Variants in HDC observed in about 807,000 individuals in gnomAD.
The protein encoded by HDC is histidine decarboxylase.
HDC carries 27 observed loss-of-function variants against 64.4 expected under a neutral mutation model. The observed-to-expected ratio is 0.42, with a 90% CI of 0.31 to 0.58. The LOEUF is 0.58. HDC is among the 20% of genes least tolerant of loss of function. HDC has a pLI of 0.16. For missense variants in HDC, 711 were observed against 833.9 expected (o/e 0.85, Z 1.81); for synonymous variants, 305 against 314.2 (o/e 0.97, Z 0.31).
At chr15:50,254,050 T>C in intron 6 of HDC, 80 bp downstream of exon 6, 1 of 1,465,250 alleles carries the variant, frequency 6.8e-7, no homozygotes, top group Middle Eastern at 1.7e-4. Flanking sequence ...TGCAGCATGT[T>C]ACTTACCTGA....
chr15:50,243,497 C>T (rs182825434), intron 10 of HDC, among the ~76,000 whole-genome samples: 13 of 152,330 alleles, frequency 8.5e-5, no homozygotes, highest in Middle Eastern at 3.4e-3. Context: ...TCAACTCAGC[C>T]CCAGAACCCA....
intron 9 of HDC, among the ~76,000 whole-genome samples, chr15:50,249,315 T>C (rs1426527199): frequency 6.6e-6 from 1 of 152,178 alleles, no homozygotes; most frequent in Non-Finnish European, 1.5e-5. Context: ...AGTCACGTGG[T>C]TTCCTAATGA....
chr15:50,254,738 T>TCTCTCTC lies in HDC; in HGVS notation c.442-75_442-74insGAGAGAG, dbSNP rs1555503912. ...AAATTTCCCCAGGCTTTCTAGTTTT[T>TCTCTCTC]TCTCTCTCTCTCTCTCTCTCTCTCT... On this transcript the variant is annotated intron_variant, in intron 4 of 11. Coordinates refer to ENST00000267845, the MANE Select transcript of HDC (RefSeq NM_002112.4). The TCTCTCTC allele has an allele frequency of 2.4e-3, 2,081 of 865,144 alleles. 54 individuals carry two copies. The African/African-American group carries it at 0.033, about 14-fold the overall frequency. The allele number at this position is 865,144 out of a possible 1,614,324, so 53.6% of individuals were successfully genotyped here.
Position 50,254,736 on chromosome 15 carries a change from TTTTCTCTCTC to T in HDC, c.442-82_442-73del, listed in dbSNP as rs1445396569. The T allele has an allele frequency of 1.5e-3, 1,874 of 1,223,228 alleles. 54 individuals are homozygous for T. Among genetic ancestry groups the T allele is most frequent in the East Asian group, 4.9e-3 (189 of 38,380 alleles). 75.8% of individuals were successfully genotyped at this position (1,223,228 alleles called of 1,614,324 possible). On this transcript the variant is annotated intron_variant, in intron 4 of 11. Transcript: ENST00000267845. ...CCAAATTTCCCCAGGCTTTCTAGTT[TTTTCTCTCTC>T]TCTCTCTCTCTCTCTCTCTCTCTCT...
At chr15:50,252,988 C>T (rs1317032461) in intron 7 of HDC, 1 of 598,180 alleles carries the variant, frequency 1.7e-6, no homozygotes, top group Non-Finnish European at 3.0e-6. Context: ...TACAAAGCCT[C>T]ACCCTTGCCT....
chr15:50,262,747 A>G (rs1256658122), intron 2 of HDC, among the ~76,000 whole-genome samples: 1 of 152,214 alleles, frequency 6.6e-6, no homozygotes, highest in Admixed American at 6.5e-5. Flanking sequence ...CCTGGTCACC[A>G]GCGTGTCCTT....
chr15:50,242,797 G>A lies in HDC; in HGVS notation c.1452C>T (p.Ser484=). The A allele has an allele frequency of 6.2e-7, 1 of 1,613,940 alleles. No homozygotes were observed. Among genetic ancestry groups the A allele is most frequent in the Non-Finnish European group, 8.5e-7 (1 of 1,179,946 alleles). ...GGGAGATGAGGTTCCCAACCCGAGG[G>A]CTGGGTTGGGAAGTACAGTGCTGAC... ...ILSQHCTSQP[S]PRVGNLISQI... Residue 484 remains serine (S), a synonymous_variant, in exon 12 of 12, where the codon AGC becomes AGT. Transcript: ENST00000267845.
chr15:50,249,116 G>A (rs1020572284), intron 9 of HDC, among the ~76,000 whole-genome samples: 3 of 152,172 alleles, frequency 2.0e-5, no homozygotes, highest in Admixed American at 2.0e-4. Context: ...GATTTCAAAT[G>A]AGCACCCAAA....
chr15:50,251,545 G>T (rs1030458791), intron 9 of HDC, among the ~76,000 whole-genome samples: 7 of 152,190 alleles, frequency 4.6e-5, no homozygotes, highest in African/African-American at 1.7e-4. Context: ...CAGGTTATGT[G>T]TAATACATTC....
At chr15:50,260,023 C>CT (rs141659908) in intron 2 of HDC, among the ~76,000 whole-genome samples, 162 of 142,636 alleles carry the variant, frequency 1.1e-3, no homozygotes, top group African/African-American at 2.3e-3. Context: ...GAGATTCATT[C>CT]TTTTTTTTTT....
intron 9 of HDC, among the ~76,000 whole-genome samples, chr15:50,250,041 C>T (rs2045533953): frequency 6.6e-6 from 1 of 152,216 alleles, no homozygotes; most frequent in African/African-American, 2.4e-5. Flanking sequence ...GCTCCCTTGC[C>T]AAGGCTAAGG....
At chr15:50,260,838 G>GCT (rs988531041) in intron 2 of HDC, among the ~76,000 whole-genome samples, 6 of 151,924 alleles carry the variant, frequency 3.9e-5, no homozygotes, top group South Asian at 2.1e-4. Context: ...CCGTGGGGAT[G>GCT]CTCTCTCTCT....
rs781439707 is a variant in HDC, at chr15:50,254,662, G to A, written c.444C>T (p.Ser148=). 1 of 1,614,032 alleles carries A rather than the reference G, an allele frequency of 6.2e-7. No individual in the cohort carries two copies. Among genetic ancestry groups the A allele is most frequent in the South Asian group, 1.1e-5 (1 of 91,066 alleles). Residue 148 remains serine, a splice_region_variant and synonymous_variant, in exon 5 of 12, where the codon AGC becomes AGT. Transcript: ENST00000267845. ...PSSQGGGVLQ[S]TVSESTLIAL... ...CAATCAAAGTGGATTCACTGACCGT[G>A]CTCTGCAGGGGAAAAGGATTATCAT...
rs2045758838 is a variant in HDC, at chr15:50,265,724, C to T, written c.-101G>A. On this transcript the variant is annotated 5_prime_UTR_variant, in exon 1 of 12. In the 5' UTR this introduces an upstream ATG that the reference lacks. Coordinates refer to ENST00000267845, the MANE Select transcript of HDC (RefSeq NM_002112.4). ...GCTTCCCTCTTGCCAGTCCTGCGCA[C>T]TCCCTGGCAGCCAGTGTGGGCCCTT... is the stretch of plus-strand genomic sequence containing the variant. 2 of 1,055,348 alleles carry T rather than the reference C, an allele frequency of 1.9e-6. No individual in the cohort carries two copies. The highest frequency in any genetic ancestry group is 1.6e-5 in the African/African-American group (1 of 64,324). 65.4% of individuals were successfully genotyped at this position (1,055,348 alleles called of 1,614,324 possible). A position where few individuals can be genotyped will look rare whatever the true frequency, so the allele number is the denominator to read the frequency against.
chr15:50,257,317 T>C, intron 4 of HDC, 108 bp downstream of exon 4: 5 of 1,360,534 alleles, frequency 3.7e-6, no homozygotes, highest in Non-Finnish European at 5.2e-6. Context: ...ACGGTGTGGG[T>C]AATGTGGGGG....
At chr15:50,260,551 C>CTGACT (rs2045689414) in intron 2 of HDC, among the ~76,000 whole-genome samples, 1 of 152,174 alleles carries the variant, frequency 6.6e-6, no homozygotes, top group Admixed American at 6.5e-5. Context: ...ATCACATATC[C>CTGACT]TGACTTGACT....
intron 9 of HDC, among the ~76,000 whole-genome samples, chr15:50,249,663 A>C (rs185487215): frequency 1.6e-4 from 25 of 152,308 alleles, no homozygotes; most frequent in Admixed American, 1.3e-3. Flanking sequence ...TGTCAACTCC[A>C]CCTCTTGTCC....
intron 10 of HDC, among the ~76,000 whole-genome samples, chr15:50,246,752 T>C (rs1190634684): frequency 6.6e-6 from 1 of 152,136 alleles, no homozygotes; most frequent in Non-Finnish European, 1.5e-5. Flanking sequence ...TCCCAAACTG[T>C]AAGCAAAAAA....
At position 50,242,473 on chromosome 15, in the gene HDC, C is replaced by T; in HGVS notation, c.1776G>A (p.Val592=). The T allele has an allele frequency of 6.2e-7, 1 of 1,614,198 alleles. No homozygotes were observed. ...CTGTGGGCAGTGGCTTCTGAGCACT[C>T]ACTGGCACACTGTTGCAACTGAGGG... ...VRSLSCNSVP[V]SAQKPLPTEA... Residue 592 remains valine, a synonymous_variant, in exon 12 of 12, where the codon GTG becomes GTA. Transcript: ENST00000267845.
Sources: allele counts gnomAD v4.1 joint callset (sites outside exome capture counted in the v4.1 genomes callset), GRCh38; gene constraint gnomAD v4.1.1; transcripts MANE v1.5; gene names NCBI Gene and HGNC (gene_info 2026-07-23, HGNC 2026-07-21).